The following ULK3 variants were observed in gnomAD, a reference collection of about 807,000 sequenced individuals.
ULK3 encodes unc-51 like kinase 3.
In ULK3, 54 loss-of-function variants were observed where a neutral mutation model predicts 69.4. That is an observed-to-expected ratio of 0.78 (90% CI 0.63 to 0.98). ULK3 has a LOEUF of 0.98. ULK3 is among the 50% of genes least tolerant of loss of function. ULK3 has a pLI of 0.00. For synonymous variants in ULK3, 240 were observed against 254.5 expected, an observed-to-expected ratio of 0.94 and a Z score of 0.54; for missense variants, 558 against 627.7, an observed-to-expected ratio of 0.89 and a Z score of 1.19.
intron 13 of ULK3, 151 bp from the exon 14 acceptor site, chr15:74,837,949 A>G: frequency 8.4e-7 from 1 of 1,186,714 alleles, no homozygotes; most frequent in East Asian, 2.6e-5. Context: ...TCCTTCCTCC[A>G]GGAAGCCTTC....
chr15:74,840,414 A>G, intron 5 of ULK3, 84 bp downstream of exon 5: 9 of 1,565,978 alleles, frequency 5.7e-6, no homozygotes, highest in Non-Finnish European at 7.8e-6. Flanking sequence ...AGTTTTCATC[A>G]GAACCCTTCA....
chr15:74,841,950 A>G, intron 3 of ULK3, 125 bp downstream of exon 3: 6 of 1,483,680 alleles, frequency 4.0e-6, no homozygotes, highest in Non-Finnish European at 3.7e-6. Context: ...ACAGGACCAT[A>G]AAATTTCAGG....
chr15:74,839,158 T>C (rs913669107), intron 8 of ULK3, 108 bp from the exon 9 acceptor site: 4 of 1,532,266 alleles, frequency 2.6e-6, no homozygotes, highest in Non-Finnish European at 3.5e-6. Flanking sequence ...CGCTCTGCTT[T>C]ATCGCCTACA....
Position 74,841,341 on chromosome 15 carries a change from G to A in ULK3, c.469+64C>T, listed in dbSNP as rs920197904. 5.8e-5 allele frequency: 81 copies of A among 1,390,726 alleles called. No homozygotes were observed. The African/African-American group carries it at 1.1e-3, about 18-fold the overall frequency. 86.1% of individuals were successfully genotyped at this position (1,390,726 alleles called of 1,614,324 possible). On this transcript the variant is annotated intron_variant, in intron 4 of 15. Transcript: ENST00000440863. ...TCCATAAGAACCAGGGCTGCTGAGT[G>A]AGCCCAGGCAGAGGGAGGCCTCTGC...
rs771455160 is a variant in ULK3, at chr15:74,838,614, C to T, written c.1102+29G>A. 5.4e-5 allele frequency: 87 copies of T among 1,597,566 alleles called. No homozygotes were observed. The East Asian group carries it at 2.0e-3, about 36-fold the overall frequency. On this transcript the variant is annotated intron_variant, in intron 10 of 15. Coordinates refer to ENST00000440863, the MANE Select transcript of ULK3 (RefSeq NM_001099436.4). ...GGCTGTGGGGAGGTTTGCTGGGGGC[C>T]CTGGGGTCAGCCAGAAACCGGAGTC...
chr15:74,841,366 C>G, intron 4 of ULK3, 39 bp downstream of exon 4: 1 of 1,570,664 alleles, frequency 6.4e-7, no homozygotes, highest in South Asian at 1.1e-5. Flanking sequence ...GAGGCCTCTG[C>G]ACTCTCCAAA....
At position 74,840,340 on chromosome 15, in the gene ULK3, G is replaced by C. The variant is rs369535106; in HGVS notation, c.614-24C>G. 8.8e-6 allele frequency: 14 copies of C among 1,598,954 alleles called. No individual in the cohort carries two copies. The African/African-American group carries it at 1.6e-4, about 18-fold the overall frequency. ...TTCTGTGGAAGGGAGGCAGAGCGGA[G>C]GCTGGGAGGGAATGGGTCAAGCCTG... On this transcript the variant is annotated intron_variant, in intron 5 of 15. Coordinates refer to ENST00000440863, the MANE Select transcript of ULK3 (RefSeq NM_001099436.4).
At chr15:74,838,879 C>T (rs1596394199) in intron 9 of ULK3, 131 bp downstream of exon 9, 9 of 1,421,256 alleles carry the variant, frequency 6.3e-6, no homozygotes, top group African/African-American at 1.4e-5. Flanking sequence ...ATGTGGCTGG[C>T]CTGACCCATT....
chr15:74,842,457 G>C lies in ULK3; in HGVS notation c.103-37C>G. The C allele has an allele frequency of 6.2e-7, 1 of 1,613,372 alleles. No individual in the cohort carries two copies. The highest frequency in any genetic ancestry group is 8.5e-7 in the Non-Finnish European group (1 of 1,179,876). On this transcript the variant is annotated intron_variant, in intron 1 of 15. Coordinates refer to ENST00000440863, the MANE Select transcript of ULK3 (RefSeq NM_001099436.4). The surrounding 1 kb of genome is among the most constrained non-coding windows in gnomAD (Gnocchi z 4.9). The stretch of plus-strand genomic sequence containing the variant: ...GAGATTTGGGGACTCTGCCTTGAGG[G>C]GGCCAGGACCCTTGTCTGACTGGAA...
In ULK3 at chr15:74,839,835, G is replaced by A. The variant is rs959158794; in HGVS notation, c.697-122C>T. 1.1e-5 allele frequency: 14 copies of A among 1,328,306 alleles called. No homozygotes were observed. In the African/African-American group the frequency reaches 1.6e-4, roughly 15 times the overall value. The allele number at this position is 1,328,306 out of a possible 1,614,324, so 82.3% of individuals were successfully genotyped here. ...GACAGGTGGGGAATCTGAGACCGAGGAGGAACAGGATGGGTCAGGATGATG... is the reference window on the plus strand; with the variant it reads ...GACAGGTGGGGAATCTGAGACCGAGAAGGAACAGGATGGGTCAGGATGATG... On this transcript the variant is annotated intron_variant, in intron 6 of 15. Transcript: ENST00000440863.
chr15:74,837,497 CG>C, intron 14 of ULK3, 62 bp from the exon 15 acceptor site: 4 of 1,210,976 alleles, frequency 3.3e-6, no homozygotes, highest in Admixed American at 3.0e-5. Context: ...AGCGCAGTGC[CG>C]AGCAAGTGAG....
Position 74,840,245 on chromosome 15 carries a change from G to A in ULK3, c.685C>T (p.Arg229Trp), listed in dbSNP as rs779695455. Residue 229 changes from arginine (R) to tryptophan (W), a missense_variant, in exon 6 of 16, where the codon CGG becomes TGG. Coordinates refer to ENST00000440863, the MANE Select transcript of ULK3 (RefSeq NM_001099436.4). ...CCTGCTAGACACACCTCGATGACCC[G>A]GTTGCTACGGATCTTCTCTTCCAGC... ...SELEEKIRSN[R>W]VIELPLRPLL... 37 of 1,609,680 alleles carry A rather than the reference G, an allele frequency of 2.3e-5. No individual in the cohort carries two copies. The South Asian group carries it at 2.6e-4, about 11-fold the overall frequency.
chr15:74,840,616 G>A lies in ULK3; in HGVS notation c.495C>T (p.Ser165=), dbSNP rs749577644. ...GGAGCACGTGCTTCTCATCCCACGG[G>A]GACATGTGTTGTGCGAAACCAAAGT... The part of the protein sequence containing the change: ...LADFGFAQHM[S]PWDEKHVLRG... Residue 165 remains serine, a synonymous_variant, in exon 5 of 16, where the codon TCC becomes TCT. Transcript: ENST00000440863. 1.3e-6 allele frequency: 2 copies of A among 1,588,074 alleles called. No individual in the cohort carries two copies. Among genetic ancestry groups the A allele is most frequent in the African/African-American group, 1.4e-5 (1 of 73,664 alleles).
rs761762586 is a variant in ULK3 at position 74,842,189 on chromosome 15, T to C, written c.250A>G (p.Ser84Gly). Residue 84 changes from serine (S) to glycine (G), a missense_variant, in exon 3 of 16, where the codon AGT becomes GGT. Transcript: ENST00000440863. This position sits in a 1 kb window ranked among gnomAD's most constrained non-coding sequence, Gnocchi z 4.9. ...IVQLKDFQWD[S>G]DNIYLIMEFC... ...TCCATGATGAGGTAGATATTGTCAC[T>C]GTCCCACTGTGTTTAGAGGCAGAGA... 4.3e-6 allele frequency: 7 copies of C among 1,613,916 alleles called. No individual in the cohort carries two copies. The African/African-American group carries it at 6.7e-5, about 15-fold the overall frequency.
At position 74,840,660 on chromosome 15, in the gene ULK3, G is replaced by A; in HGVS notation, c.470-19C>T. ...CCAAAGTCTGCAGGCAAGAGGAGAG[G>A]CAGCAGGGCTTGAATTCCAGCTGCT... On this transcript the variant is annotated intron_variant, in intron 4 of 15. Coordinates refer to ENST00000440863, the MANE Select transcript of ULK3 (RefSeq NM_001099436.4). The A allele has an allele frequency of 6.5e-7, 1 of 1,538,442 alleles. No homozygotes were observed. Among genetic ancestry groups the A allele is most frequent in the South Asian group, 1.3e-5 (1 of 77,996 alleles).
rs1330944744 is a variant in ULK3, at chr15:74,839,546, C to A, written c.852+12G>T. ...CACCCTCAGCCCACCCCAGCCCCAG[C>A]CGTCTGCTCACTGCTCGCCCCAGAC... On this transcript the variant is annotated intron_variant, in intron 7 of 15. Coordinates refer to ENST00000440863, the MANE Select transcript of ULK3 (RefSeq NM_001099436.4). 1.9e-6 allele frequency: 3 copies of A among 1,550,826 alleles called. No homozygotes were observed. Among genetic ancestry groups the A allele is most frequent in the Non-Finnish European group, 2.6e-6 (3 of 1,149,566 alleles).
In ULK3 at chr15:74,842,512, A is replaced by G; in HGVS notation, c.103-92T>C. ...TCTATCTGGTTCCCTCTGTTCCCCC[A>G]CCCCGCCCCTCCCCGGGTCTACCTA... On this transcript the variant is annotated intron_variant, in intron 1 of 15. Coordinates refer to ENST00000440863, the MANE Select transcript of ULK3 (RefSeq NM_001099436.4). The surrounding 1 kb of genome is among the most constrained non-coding windows in gnomAD (Gnocchi z 4.9). The G allele has an allele frequency of 7.4e-7, 1 of 1,351,720 alleles. No individual in the cohort carries two copies. The highest frequency in any genetic ancestry group is 1.0e-6 in the Non-Finnish European group (1 of 976,984). 83.7% of individuals were successfully genotyped at this position (1,351,720 alleles called of 1,614,324 possible).
chr15:74,839,531 C>T, intron 7 of ULK3, 27 bp downstream of exon 7: 1 of 1,546,436 alleles, frequency 6.5e-7, no homozygotes, highest in Non-Finnish European at 8.7e-7. Flanking sequence ...CACCCTCAGC[C>T]CACCCCAGCC....
intron 13 of ULK3, 21 bp from the exon 14 acceptor site, chr15:74,837,819 C>A: frequency 6.3e-7 from 1 of 1,585,108 alleles, no homozygotes; most frequent in East Asian, 2.3e-5. Context: ...AAGATATGCC[C>A]TTGGGTGTGG....
Sources: allele counts gnomAD v4.1 joint callset, GRCh38; gene constraint gnomAD v4.1.1; non-coding constraint Gnocchi (gnomAD v3.1); transcripts MANE v1.5; gene names NCBI Gene and HGNC (gene_info 2026-07-23, HGNC 2026-07-21).